DIAPH2: variants seen among roughly 807,000 people sequenced by gnomAD.
The protein encoded by DIAPH2 is diaphanous related formin 2, also known as protein diaphanous homolog 2.
A neutral mutation model predicts 92.7 loss-of-function variants in DIAPH2; 35 were observed. The observed-to-expected ratio is 0.38, with a 90% CI of 0.29 to 0.50. DIAPH2 has a LOEUF of 0.50. DIAPH2 is among the 20% of genes least tolerant of loss of function. The probability of loss-of-function intolerance (pLI) is 0.94; values close to 1 mark genes in which losing one functional copy is unlikely to be tolerated. For synonymous variants in DIAPH2, 301 were observed against 280.4 expected, an observed-to-expected ratio of 1.07 and a Z score of -0.73; for missense variants, 701 against 819.5, an observed-to-expected ratio of 0.86 and a Z score of 1.77.
At chrX:97,329,891 GACACACACACACACAC>G (rs201851023) in intron 23 of DIAPH2, among the ~76,000 whole-genome samples, 99 of 79,466 alleles carry the variant, frequency 1.2e-3, no homozygotes, top group African/African-American at 4.3e-3. Flanking sequence ...TGCATTCTTA[GACACACACACACACAC>G]ACACACACAC....
At chrX:97,337,083 G>T (rs1007288398) in intron 23 of DIAPH2, among the ~76,000 whole-genome samples, 2 of 107,740 alleles carry the variant, frequency 1.9e-5, no homozygotes, top group Admixed American at 9.9e-5. Context: ...TACTATCTTT[G>T]TTATATTATT....
intron 4 of DIAPH2, among the ~76,000 whole-genome samples, chrX:96,843,125 C>T (rs911861454): frequency 3.6e-5 from 4 of 111,024 alleles, no homozygotes; most frequent in African/African-American, 1.3e-4. Context: ...TTACCACCAC[C>T]GCCCTGGTAC....
At chrX:97,300,685 C>A in intron 23 of DIAPH2, among the ~76,000 whole-genome samples, 1 of 98,980 alleles carries the variant, frequency 1.0e-5, no homozygotes, top group Non-Finnish European at 2.0e-5. Flanking sequence ...GTAATCCCAG[C>A]ACTTTGGGAG....
chrX:97,200,740 T>G (rs1456294045), intron 22 of DIAPH2, among the ~76,000 whole-genome samples: 1 of 111,645 alleles, frequency 9.0e-6, no homozygotes, highest in Non-Finnish European at 1.9e-5. Flanking sequence ...TCAGTGGACT[T>G]AATCTTTCCT....
intron 1 of DIAPH2, among the ~76,000 whole-genome samples, chrX:96,711,351 G>T (rs1302393794): frequency 9.0e-6 from 1 of 111,555 alleles, no homozygotes; most frequent in Non-Finnish European, 1.9e-5. Context: ...ATTATTTTTT[G>T]ATTTTTAGAT....
At chrX:97,222,360 A>G (rs2147517555) in intron 22 of DIAPH2, among the ~76,000 whole-genome samples, 1 of 111,644 alleles carries the variant, frequency 9.0e-6, no homozygotes, top group South Asian at 3.8e-4. Flanking sequence ...ATGTGCCATC[A>G]TGCCAGGCTA....
chrX:97,020,845 A>C (rs911049511), intron 17 of DIAPH2, among the ~76,000 whole-genome samples: 2 of 112,007 alleles, frequency 1.8e-5, no homozygotes, highest in Non-Finnish European at 1.9e-5. Flanking sequence ...TTTTCCATTT[A>C]ATATCTTTGG....
At chrX:97,440,517 G>A (rs1476761358) in intron 26 of DIAPH2, among the ~76,000 whole-genome samples, 2 of 107,156 alleles carry the variant, frequency 1.9e-5, no homozygotes, top group African/African-American at 3.4e-5. Context: ...GCTTGAACCC[G>A]GGAGGTGGAG....
At chrX:97,246,077 ATTTTTT>A (rs748702486) in intron 22 of DIAPH2, among the ~76,000 whole-genome samples, 1 of 81,149 alleles carries the variant, frequency 1.2e-5, no homozygotes, top group Admixed American at 1.4e-4. Context: ...TAATTTTTGT[ATTTTTT>A]TTTTTTTTTT....
rs2067990947 is a variant in DIAPH2 at position 97,229,474 on chromosome X, T to C, written c.2720-18241T>C. 2.7e-5 allele frequency among the ~76,000 whole-genome samples: 3 copies of C among 111,621 alleles called. 1 individual carries two copies. The South Asian group carries it at 1.1e-3, about 42-fold the overall frequency. On this transcript the variant is annotated intron_variant, in intron 22 of 26. Transcript: ENST00000324765. The stretch of plus-strand genomic sequence containing the variant: ...GATGCCAAAGGCATTTTGAAAATGA[T>C]TGATGAGACTTGGTGACTGGCTGGT...
At chrX:97,515,703 A>G (rs758208972) in intron 26 of DIAPH2, among the ~76,000 whole-genome samples, 113 of 111,062 alleles carry the variant, frequency 1.0e-3, no homozygotes, top group Non-Finnish European at 1.6e-3. Context: ...AGAGATAAGG[A>G]TGTTCCTTTC....
At chrX:97,026,359 T>C (rs1158155148) in intron 17 of DIAPH2, among the ~76,000 whole-genome samples, 1 of 112,340 alleles carries the variant, frequency 8.9e-6, no homozygotes, top group Non-Finnish European at 1.9e-5. Flanking sequence ...TTTGATTATT[T>C]GTTGAATGCA....
At chrX:97,310,771 C>T (rs945030905) in intron 23 of DIAPH2, among the ~76,000 whole-genome samples, 3 of 111,266 alleles carry the variant, frequency 2.7e-5, no homozygotes, top group Non-Finnish European at 5.7e-5. Flanking sequence ...CGCTTTGGGA[C>T]GCTGATGCGG....
Position 97,456,781 on chromosome X carries a change from A to G in DIAPH2, c.3241+27036A>G, listed in dbSNP as rs2070409894. 2.7e-5 allele frequency among the ~76,000 whole-genome samples: 3 copies of G among 111,952 alleles called. No individual in the cohort carries two copies. In the South Asian group the frequency reaches 1.1e-3, roughly 42 times the overall value. On this transcript the variant is annotated intron_variant, in intron 26 of 26. Transcript: ENST00000324765. Reference sequence around the variant, plus strand: ...ACCCAGCTTCCACAATGATCAATTCATGATCAATTTTGTTTTCTCCATACT... The same window carrying G: ...ACCCAGCTTCCACAATGATCAATTCGTGATCAATTTTGTTTTCTCCATACT...
chrX:97,229,692 T>C (rs2067992495), intron 22 of DIAPH2, among the ~76,000 whole-genome samples: 1 of 108,986 alleles, frequency 9.2e-6, no homozygotes, highest in Admixed American at 1.0e-4. Flanking sequence ...TGTTTAATTT[T>C]ATGTGAGACT....
chrX:96,755,607 C>T lies in DIAPH2; in HGVS notation c.343-2547C>T, dbSNP rs757450408. ...GGTGGAGCTTGCAGTGAGCCGAGAT[C>T]GCGCCACTGCACTCCAGCCTGGGCG... On this transcript the variant is annotated intron_variant, in intron 3 of 26. Transcript: ENST00000324765. 1.5e-3 allele frequency among the ~76,000 whole-genome samples: 170 copies of T among 110,309 alleles called. 1 individual carries two copies. The highest frequency in any genetic ancestry group is 5.5e-3 in the African/African-American group (166 of 30,308).
rs531551818 is a variant in DIAPH2, at chrX:96,774,186, A to T, written c.447+15928A>T. Reference sequence around the variant, plus strand: ...CATTGTTTGGGGTTACATAGTAAGTAAGTGGGAGAGCTGGGATTTGAATCC... The same window carrying T: ...CATTGTTTGGGGTTACATAGTAAGTTAGTGGGAGAGCTGGGATTTGAATCC... On this transcript the variant is annotated intron_variant, in intron 4 of 26. Transcript: ENST00000324765. Among the ~76,000 whole-genome samples the T allele has an allele frequency of 2.3e-4, 26 of 112,019 alleles. No individual in the cohort carries two copies. In the South Asian group the frequency reaches 9.7e-3, roughly 42 times the overall value.
intron 19 of DIAPH2, among the ~76,000 whole-genome samples, chrX:97,085,068 G>A (rs997893957): frequency 1.8e-5 from 2 of 111,270 alleles, no homozygotes; most frequent in African/African-American, 6.5e-5. Flanking sequence ...CAAGTGATCT[G>A]AAAATGTTTT....
At chrX:97,440,937 A>G (rs926354603) in intron 26 of DIAPH2, among the ~76,000 whole-genome samples, 6 of 111,504 alleles carry the variant, frequency 5.4e-5, no homozygotes, top group African/African-American at 2.0e-4. Flanking sequence ...CCACTACAGG[A>G]TATATCCATG....
Sources: allele counts gnomAD v4.1 joint callset (sites outside exome capture counted in the v4.1 genomes callset), GRCh38; gene constraint gnomAD v4.1.1; transcripts MANE v1.5; gene names NCBI Gene and HGNC (gene_info 2026-07-23, HGNC 2026-07-21).